TMEM117: variants seen among roughly 807,000 people sequenced by gnomAD.
TMEM117 encodes transmembrane protein 117.
A neutral mutation model predicts 52.4 loss-of-function variants in TMEM117; 27 were observed. The ratio of observed to expected loss-of-function variants is 0.51; its 90% confidence interval spans 0.38 to 0.71. TMEM117 has a LOEUF of 0.71. TMEM117 is among the 30% of genes least tolerant of loss of function. TMEM117 has a pLI of 0.00. For synonymous variants in TMEM117, 215 were observed against 206.3 expected, an observed-to-expected ratio of 1.04 and a Z score of -0.36; for missense variants, 556 against 630.5, an observed-to-expected ratio of 0.88 and a Z score of 1.26.
intron 6 of TMEM117, among the ~76,000 whole-genome samples, chr12:44,323,397 A>T (rs57452444): frequency 1.3e-5 from 2 of 152,322 alleles, no homozygotes; most frequent in East Asian, 3.9e-4. Flanking sequence ...CCAATAGTCA[A>T]ACATACCCTA....
chr12:44,181,701 C>A (rs1339469377), intron 4 of TMEM117, among the ~76,000 whole-genome samples: 3 of 151,528 alleles, frequency 2.0e-5, no homozygotes, highest in Non-Finnish European at 2.9e-5. Flanking sequence ...CTGTTCTGTT[C>A]CATTGATCTA....
chr12:44,028,894 T>G (rs941388419), intron 3 of TMEM117, among the ~76,000 whole-genome samples: 5 of 152,196 alleles, frequency 3.3e-5, no homozygotes, highest in Non-Finnish European at 7.3e-5. Context: ...CTGGTGACCA[T>G]GGAAGGTACT....
chr12:44,311,140 A>G (rs1950969229), intron 6 of TMEM117, among the ~76,000 whole-genome samples: 1 of 152,010 alleles, frequency 6.6e-6, no homozygotes, highest in South Asian at 2.1e-4. Flanking sequence ...AAATAAAACT[A>G]AATATATTCT....
chr12:44,160,163 C>A (rs1283937321), intron 4 of TMEM117, among the ~76,000 whole-genome samples: 8 of 147,488 alleles, frequency 5.4e-5, no homozygotes, highest in Non-Finnish European at 9.1e-5. Flanking sequence ...GAGAAAGGCT[C>A]ATGTATTTGT....
intron 4 of TMEM117, among the ~76,000 whole-genome samples, chr12:44,154,475 C>T (rs1172222631): frequency 6.6e-6 from 1 of 151,970 alleles, no homozygotes; most frequent in Non-Finnish European, 1.5e-5. Context: ...ATTGAAAGAA[C>T]AGCACCTCTC....
intron 3 of TMEM117, among the ~76,000 whole-genome samples, chr12:44,044,471 G>A (rs759742633): frequency 2.0e-5 from 3 of 152,142 alleles, no homozygotes; most frequent in African/African-American, 2.4e-5. Context: ...TGGAGAATGC[G>A]CAACAGCATT....
At chr12:44,222,220 C>A (rs1347423003) in intron 5 of TMEM117, among the ~76,000 whole-genome samples, 1 of 152,114 alleles carries the variant, frequency 6.6e-6, no homozygotes, top group Non-Finnish European at 1.5e-5. Flanking sequence ...TCCCCACAGT[C>A]CAGGGACTTA....
chr12:43,808,834 AAG>A, the TMEM117 span, among the ~76,000 whole-genome samples: 18 of 137,478 alleles, frequency 1.3e-4, no homozygotes, highest in African/African-American at 2.0e-4. Flanking sequence ...AAAAAAAAAA[AAG>A]GAGCTACTAC....
intron 2 of TMEM117, among the ~76,000 whole-genome samples, chr12:43,937,162 A>G (rs1944964972): frequency 6.6e-6 from 1 of 152,202 alleles, no homozygotes; most frequent in Non-Finnish European, 1.5e-5. Context: ...GAATGTGAGC[A>G]GGTAGGAAGT....
intron 5 of TMEM117, among the ~76,000 whole-genome samples, chr12:44,289,550 CTTT>C (rs60675070): frequency 0.059 from 7,183 of 121,582 alleles, 137 homozygotes; most frequent in Middle Eastern, 0.15. Context: ...TTTCTTTTCT[CTTT>C]TTTTTTTTTT....
At chr12:44,368,484 A>G (rs1237438047) in intron 6 of TMEM117, among the ~76,000 whole-genome samples, 2 of 152,168 alleles carry the variant, frequency 1.3e-5, no homozygotes, top group South Asian at 2.1e-4. Context: ...TTTATACTGA[A>G]TCACATTTTC....
intron 3 of TMEM117, among the ~76,000 whole-genome samples, chr12:44,077,692 A>G (rs887193692): frequency 2.0e-5 from 3 of 152,126 alleles, no homozygotes; most frequent in African/African-American, 7.2e-5. Context: ...ATTCCTTTCT[A>G]AGAACAACTT....
intron 6 of TMEM117, among the ~76,000 whole-genome samples, chr12:44,326,290 A>C (rs1341966179): frequency 6.6e-6 from 1 of 152,180 alleles, no homozygotes. Flanking sequence ...TTAATTTATG[A>C]GAGGGTGTGT....
intron 2 of TMEM117, among the ~76,000 whole-genome samples, chr12:43,896,369 C>A (rs1944202066): frequency 6.6e-6 from 1 of 152,132 alleles, no homozygotes; most frequent in African/African-American, 2.4e-5. Flanking sequence ...CAGAGCTCAG[C>A]AAAAATATCA....
intron 3 of TMEM117, among the ~76,000 whole-genome samples, chr12:44,099,671 T>G (rs1947829914): frequency 6.6e-6 from 1 of 152,032 alleles, no homozygotes; most frequent in African/African-American, 2.4e-5. Flanking sequence ...GAGTCCTGGC[T>G]TAGAACTGCA....
chr12:43,982,374 C>T (rs574173347), intron 3 of TMEM117, among the ~76,000 whole-genome samples: 1 of 152,204 alleles, frequency 6.6e-6, no homozygotes, highest in South Asian at 2.1e-4. Context: ...TATCCATGTT[C>T]ACAAAAGGGA....
At chr12:44,133,459 A>G (rs1450300399) in intron 3 of TMEM117, among the ~76,000 whole-genome samples, 3 of 152,204 alleles carry the variant, frequency 2.0e-5, no homozygotes, top group African/African-American at 7.2e-5. Context: ...AATGTTCACA[A>G]GATGGGTGGA....
intron 5 of TMEM117, among the ~76,000 whole-genome samples, chr12:44,286,273 A>G (rs1319663835): frequency 1.3e-5 from 2 of 151,348 alleles, no homozygotes. Flanking sequence ...ATAAACATTT[A>G]GAACATGAAT....
intron 3 of TMEM117, among the ~76,000 whole-genome samples, chr12:43,992,300 T>C (rs540250302): frequency 4.4e-4 from 67 of 152,084 alleles, no homozygotes; most frequent in Admixed American, 1.4e-3. Context: ...AGAGATGAGG[T>C]CTCACTGTAT....
Sources: allele counts gnomAD v4.1 joint callset (sites outside exome capture counted in the v4.1 genomes callset), GRCh38; gene constraint gnomAD v4.1.1; transcripts MANE v1.5; gene names NCBI Gene and HGNC (gene_info 2026-07-23, HGNC 2026-07-21).